C17orf99: variants seen among roughly 807,000 people sequenced by gnomAD.
C17orf99 encodes chromosome 17 open reading frame 99.
C17orf99 carries 18 observed loss-of-function variants against 22.6 expected under a neutral mutation model. That is an observed-to-expected ratio of 0.80 (90% CI 0.55 to 1.18). The LOEUF is 1.18. C17orf99 is among the 50% of genes most tolerant of loss of function. C17orf99 has a pLI of 0.00. For missense variants in C17orf99, 328 were observed against 342.7 expected (o/e 0.96, Z 0.34); for synonymous variants, 147 against 136.6 (o/e 1.08, Z -0.53).
chr17:78,164,444 A>T, intron 4 of C17orf99, 80 bp downstream of exon 4: 4 of 1,549,674 alleles, frequency 2.6e-6, no homozygotes, highest in Non-Finnish European at 3.5e-6. Flanking sequence ...ACACAGGTCG[A>T]TGGGAAGTGG....
At chr17:78,146,240 C>G, upstream of C17orf99, 2 of 579,036 alleles carry the variant, frequency 3.5e-6, no homozygotes, top group Non-Finnish European at 3.0e-6. The surrounding 1 kb of genome is among the most constrained non-coding windows in gnomAD (Gnocchi z 5.2). Context: ...CCTGCCGGGG[C>G]TCTCTGGGCC....
chr17:78,158,033 G>A, intron 2 of C17orf99: 1 of 1,366,364 alleles, frequency 7.3e-7, no homozygotes, highest in South Asian at 1.2e-5. Flanking sequence ...CATCCAGGAT[G>A]GGCACCTATC....
At chr17:78,149,718 T>C (rs2075464663) in intron 2 of C17orf99, among the ~76,000 whole-genome samples, 1 of 149,914 alleles carries the variant, frequency 6.7e-6, no homozygotes, top group Admixed American at 7.1e-5. Context: ...TTTAATTTTT[T>C]TTTTTTTTTG....
intron 2 of C17orf99, among the ~76,000 whole-genome samples, chr17:78,155,563 C>T (rs190560496): frequency 2.6e-5 from 4 of 152,154 alleles, no homozygotes; most frequent in South Asian, 2.1e-4. Context: ...GCAATCCTCC[C>T]GCCTTGGCCT....
Position 78,166,155 on chromosome 17 carries a change from CAA to C in C17orf99, c.*130_*131del, listed in dbSNP as rs61377640. 0.21 allele frequency: 29,572 copies of C among 143,926 alleles called. 777 individuals carry two copies. The highest frequency in any genetic ancestry group is 0.25 in the South Asian group (771 of 3,090). The allele number at this position is 143,926 out of a possible 1,614,324, so 8.9% of individuals were successfully genotyped here. On this transcript the variant is annotated 3_prime_UTR_variant, in exon 5 of 5. Coordinates refer to ENST00000340363, the MANE Select transcript of C17orf99 (RefSeq NM_001163075.2). ...GAGTGTGTTTTAGCTGCTCTTGCCA[CAA>C]AAAAAAAAAAAAAAAAAAAAGGGTA...
At chr17:78,152,735 AG>A (rs1225437305) in intron 2 of C17orf99, among the ~76,000 whole-genome samples, 20 of 151,594 alleles carry the variant, frequency 1.3e-4, no homozygotes, top group Non-Finnish European at 2.8e-4. Context: ...GGCCTCCAAA[AG>A]CTCTGGGATT....
chr17:78,149,775 T>G (rs943597352), intron 2 of C17orf99, among the ~76,000 whole-genome samples: 10 of 151,690 alleles, frequency 6.6e-5, no homozygotes. Flanking sequence ...AGTGGTGCAA[T>G]CTCGGCTCAC....
intron 2 of C17orf99, among the ~76,000 whole-genome samples, chr17:78,148,914 G>A (rs971468457): frequency 1.3e-5 from 2 of 152,176 alleles, no homozygotes; most frequent in Admixed American, 6.5e-5. Context: ...TAGGCTACTC[G>A]GGATCCAGAG....
rs1178132748 is a variant in C17orf99, at chr17:78,146,987, G to A, written c.70+76G>A. 5.2e-6 allele frequency: 7 copies of A among 1,338,200 alleles called. No homozygotes were observed. Among genetic ancestry groups the A allele is most frequent in the South Asian group, 2.5e-5 (2 of 79,662 alleles). The allele number at this position is 1,338,200 out of a possible 1,614,324, so 82.9% of individuals were successfully genotyped here. ...TGTCAGAACCCCCATGGTGGAGGGC[G>A]CCTCGGCTGGGAAGGGAGTTACTAG... is the stretch of plus-strand genomic sequence containing the variant. On this transcript the variant is annotated intron_variant, in intron 2 of 4. Coordinates refer to ENST00000340363, the MANE Select transcript of C17orf99 (RefSeq NM_001163075.2). The surrounding 1 kb of genome is among the most constrained non-coding windows in gnomAD (Gnocchi z 5.2).
chr17:78,165,037 A>C (rs1598955239), intron 4 of C17orf99: 15 of 1,068,794 alleles, frequency 1.4e-5, no homozygotes, highest in South Asian at 2.6e-5. Flanking sequence ...TTCTGTGAGA[A>C]CCACCTTGGG....
intron 2 of C17orf99, chr17:78,158,257 C>A: frequency 1.8e-6 from 1 of 547,064 alleles, no homozygotes; most frequent in Non-Finnish European, 3.5e-6. Flanking sequence ...CCCAGGCTGG[C>A]TTGGCTCTGC....
intron 2 of C17orf99, among the ~76,000 whole-genome samples, chr17:78,151,423 CAAAAAAAA>C (rs35828431): frequency 5.3e-5 from 3 of 56,180 alleles, no homozygotes; most frequent in East Asian, 1.1e-3. Context: ...GACTCTGTCT[CAAAAAAAA>C]AAAAAAAAAA....
rs1379982518 is a variant in C17orf99 at position 78,161,186 on chromosome 17, G to A, written c.302G>A (p.Trp101Ter). The A allele has an allele frequency of 2.8e-5, 43 of 1,551,538 alleles. No individual in the cohort carries two copies. Among genetic ancestry groups the A allele is most frequent in the Non-Finnish European group, 3.5e-5 (40 of 1,146,916 alleles). Residue 101 changes from tryptophan to a stop codon, truncating the protein, a stop_gained, in exon 3 of 5, where the codon TGG (tryptophan) becomes TAG (stop). Transcript: ENST00000340363. LOFTEE classifies it high-confidence loss of function. Reference protein sequence around the residue: ...SSPDLLTYFCWASSTSGAHVD... With the variant: ...SSPDLLTYFC ...CCAGACCTGCTCACCTACTTCTGCT[G>A]GGCGTCCTCCACCTCAGGTGCCCAT...
rs900194249 is a variant in C17orf99 at position 78,166,055 on chromosome 17, G to T, written c.*9G>T. On this transcript the variant is annotated 3_prime_UTR_variant, in exon 5 of 5. Coordinates refer to ENST00000340363, the MANE Select transcript of C17orf99 (RefSeq NM_001163075.2). ...AAGCAGCAGCCATGTAGAATGAACCGTCCAGAGAGCCAAGCACGGCAGAGG... is the reference window on the plus strand; with the variant it reads ...AAGCAGCAGCCATGTAGAATGAACCTTCCAGAGAGCCAAGCACGGCAGAGG... The T allele has an allele frequency of 3.3e-6, 4 of 1,195,344 alleles. No individual in the cohort carries two copies. The highest frequency in any genetic ancestry group is 4.5e-6 in the Non-Finnish European group (4 of 896,358). The allele number at this position is 1,195,344 out of a possible 1,614,324, so 74.0% of individuals were successfully genotyped here.
chr17:78,150,555 C>T (rs907850395), intron 2 of C17orf99, among the ~76,000 whole-genome samples: 1 of 152,156 alleles, frequency 6.6e-6, no homozygotes, highest in Non-Finnish European at 1.5e-5. Context: ...ACCCAGAAGA[C>T]AGAGTGGAAT....
Position 78,161,162 on chromosome 17 carries a change from C to G in C17orf99, c.278C>G (p.Pro93Arg). Residue 93 changes from proline to arginine, a missense_variant, in exon 3 of 5, where the codon CCA becomes CGA. Coordinates refer to ENST00000340363, the MANE Select transcript of C17orf99 (RefSeq NM_001163075.2). ...CTCAACGTCACACTCAAGTCCAGTC[C>G]AGACCTGCTCACCTACTTCTGCTGG... ...FNLNVTLKSS[P>R]DLLTYFCWAS... is the part of the protein sequence containing the mutation. The G allele has an allele frequency of 6.4e-7, 1 of 1,551,782 alleles. No individual in the cohort carries two copies. Among genetic ancestry groups the G allele is most frequent in the South Asian group, 1.2e-5 (1 of 84,062 alleles).
chr17:78,154,325 G>A (rs1449244400), intron 2 of C17orf99, among the ~76,000 whole-genome samples: 2 of 151,930 alleles, frequency 1.3e-5, no homozygotes, highest in East Asian at 3.9e-4. Flanking sequence ...AAGGTGGGTG[G>A]ATCACCTGAG....
In C17orf99 at chr17:78,166,216, C is replaced by T. The variant is rs142807501; in HGVS notation, c.*170C>T. The T allele has an allele frequency of 2.2e-3, 872 of 390,130 alleles. 3 individuals carry two copies. Among genetic ancestry groups the T allele is most frequent in the African/African-American group, 0.016 (760 of 47,716 alleles). The allele number at this position is 390,130 out of a possible 1,614,324, so 24.2% of individuals were successfully genotyped here. A position where few individuals can be genotyped will look rare whatever the true frequency, so the allele number is the denominator to read the frequency against. ...AGATGGTGGATATGTTAACTTGCTT[C>T]GCTATAGGAACCTTTGTGCTATCTA... On this transcript the variant is annotated 3_prime_UTR_variant, in exon 5 of 5. Transcript: ENST00000340363.
Position 78,164,102 on chromosome 17 carries a change from G to A in C17orf99, c.378G>A (p.Val126=), listed in dbSNP as rs775869824. Residue 126 remains valine (V), a synonymous_variant, in exon 4 of 5, where the codon GTG becomes GTA. Coordinates refer to ENST00000340363, the MANE Select transcript of C17orf99 (RefSeq NM_001163075.2). ...QMHWELWSKP[V]SELRANFTLQ... ...CTTCTCCCACCCTGCCAGAGCCAGT[G>A]TCTGAGCTGCGGGCCAACTTCACTC... 7.1e-6 allele frequency: 11 copies of A among 1,551,644 alleles called. No homozygotes were observed. The African/African-American group carries it at 1.4e-4, about 19-fold the overall frequency.
Sources: allele counts gnomAD v4.1 joint callset (sites outside exome capture counted in the v4.1 genomes callset), GRCh38; gene constraint gnomAD v4.1.1; non-coding constraint Gnocchi (gnomAD v3.1); transcripts MANE v1.5; gene names NCBI Gene and HGNC (gene_info 2026-07-23, HGNC 2026-07-21).